Variants in CMTM8 observed in about 807,000 individuals in gnomAD.
The protein encoded by CMTM8 is CKLF-like MARVEL transmembrane domain-containing protein 8.
CMTM8 carries 12 observed loss-of-function variants against 18.6 expected under a neutral mutation model. That is an observed-to-expected ratio of 0.65 (90% CI 0.41 to 1.05). The LOEUF (loss-of-function observed/expected upper bound fraction) is 1.05, where lower values mean the gene tolerates loss of function less well. CMTM8 is among the 50% of genes least tolerant of loss of function. The pLI is 0.00. For synonymous variants in CMTM8, 87 were observed against 90.6 expected (o/e 0.96, Z 0.23); for missense variants, 217 against 227.2 (o/e 0.95, Z 0.29).
chr3:32,344,264 G>C (rs143854203), intron 1 of CMTM8, among the ~76,000 whole-genome samples: 19 of 152,312 alleles, frequency 1.2e-4, no homozygotes, highest in African/African-American at 3.6e-4. Context: ...AGCCAGCTGG[G>C]AACAGCTGGT....
chr3:32,303,680 A>G (rs768996561), intron 1 of CMTM8, among the ~76,000 whole-genome samples: 37 of 152,174 alleles, frequency 2.4e-4, no homozygotes, highest in African/African-American at 6.0e-4. Context: ...GTAGAACAAT[A>G]TAGACTCCTT....
At chr3:32,289,764 A>G (rs1285988812) in intron 1 of CMTM8, among the ~76,000 whole-genome samples, 1 of 152,242 alleles carries the variant, frequency 6.6e-6, no homozygotes, top group East Asian at 1.9e-4. Context: ...GGATCTTATT[A>G]CCATTTATAT....
chr3:32,252,499 G>A (rs1702125169), intron 1 of CMTM8, among the ~76,000 whole-genome samples: 1 of 152,140 alleles, frequency 6.6e-6, no homozygotes, highest in East Asian at 1.9e-4. Flanking sequence ...TACCATCTGG[G>A]AATGTTGTAT....
At chr3:32,252,101 T>TA (rs963076855) in intron 1 of CMTM8, among the ~76,000 whole-genome samples, 23 of 151,852 alleles carry the variant, frequency 1.5e-4, no homozygotes, top group African/African-American at 5.3e-4. Flanking sequence ...TCAGAAAAAA[T>TA]AAAAAAAATT....
At chr3:32,345,495 A>G (rs745473208) in intron 1 of CMTM8, among the ~76,000 whole-genome samples, 2 of 152,222 alleles carry the variant, frequency 1.3e-5, no homozygotes, top group Non-Finnish European at 2.9e-5. Flanking sequence ...GGTCATCAAA[A>G]GGTTTAGCTG....
chr3:32,363,994 T>C (rs754569508), intron 2 of CMTM8, among the ~76,000 whole-genome samples: 4 of 152,198 alleles, frequency 2.6e-5, no homozygotes, highest in African/African-American at 9.6e-5. Flanking sequence ...CATGAGTGTC[T>C]CTTCCACCAA....
intron 1 of CMTM8, among the ~76,000 whole-genome samples, chr3:32,319,074 A>ATATATATATT: frequency 9.5e-5 from 3 of 31,524 alleles, no homozygotes; most frequent in Non-Finnish European, 1.0e-4. Context: ...ATATATATAT[A>ATATATATATT]TTTTTTTTTT....
intron 1 of CMTM8, among the ~76,000 whole-genome samples, chr3:32,264,771 T>C (rs1053209966): frequency 2.0e-5 from 3 of 151,094 alleles, no homozygotes; most frequent in African/African-American, 7.3e-5. Context: ...ACCAAGCAAA[T>C]GGAAAGCAAA....
At chr3:32,284,811 TTTCCTGG>T (rs1221513400) in intron 1 of CMTM8, among the ~76,000 whole-genome samples, 1 of 152,234 alleles carries the variant, frequency 6.6e-6, no homozygotes, top group African/African-American at 2.4e-5. Context: ...GTTTTTGTTT[TTTCCTGG>T]TTCTATTTTG....
chr3:32,314,714 G>A (rs991029528), intron 1 of CMTM8, among the ~76,000 whole-genome samples: 1 of 152,026 alleles, frequency 6.6e-6, no homozygotes, highest in Non-Finnish European at 1.5e-5. Flanking sequence ...CCTGGGCAAG[G>A]GATCCACTTG....
chr3:32,265,901 C>T (rs1386161191), intron 1 of CMTM8, among the ~76,000 whole-genome samples: 3 of 151,436 alleles, frequency 2.0e-5, no homozygotes, highest in Non-Finnish European at 4.4e-5. Context: ...AAGACTAAAC[C>T]AGGAAGAAGT....
chr3:32,309,702 C>T (rs1695785543), intron 1 of CMTM8, among the ~76,000 whole-genome samples: 1 of 152,082 alleles, frequency 6.6e-6, no homozygotes, highest in Admixed American at 6.5e-5. Context: ...TCCTCAAAGT[C>T]GGTCATGCTT....
intron 1 of CMTM8, among the ~76,000 whole-genome samples, chr3:32,315,354 T>C (rs1695905518): frequency 6.6e-6 from 1 of 152,122 alleles, no homozygotes; most frequent in African/African-American, 2.4e-5. Flanking sequence ...GGTCTCGAAC[T>C]CCTCACCTCA....
intron 1 of CMTM8, among the ~76,000 whole-genome samples, chr3:32,300,453 G>A (rs1004541546): frequency 2.0e-5 from 3 of 152,156 alleles, no homozygotes; most frequent in Non-Finnish European, 2.9e-5. Context: ...TCTCCATTGG[G>A]GAAGAGGGAT....
chr3:32,261,507 G>A (rs1702258257), intron 1 of CMTM8, among the ~76,000 whole-genome samples: 1 of 152,058 alleles, frequency 6.6e-6, no homozygotes, highest in African/African-American at 2.4e-5. Context: ...CCATAGAGAG[G>A]GTTAAATCTA....
At chr3:32,290,295 T>G (rs575708926) in intron 1 of CMTM8, among the ~76,000 whole-genome samples, 44 of 152,280 alleles carry the variant, frequency 2.9e-4, no homozygotes, top group African/African-American at 6.7e-4. Context: ...TTCTAAAACT[T>G]TATATATTAC....
At chr3:32,362,584 G>C (rs1696956880) in intron 2 of CMTM8, among the ~76,000 whole-genome samples, 1 of 152,200 alleles carries the variant, frequency 6.6e-6, no homozygotes, top group South Asian at 2.1e-4. Context: ...AGTATACACA[G>C]ATATTCCAGT....
At chr3:32,315,904 A>T (rs1047013651) in intron 1 of CMTM8, among the ~76,000 whole-genome samples, 1 of 151,682 alleles carries the variant, frequency 6.6e-6, no homozygotes, top group African/African-American at 2.4e-5. Flanking sequence ...AATGAATTGG[A>T]TCCATTTTGA....
At chr3:32,274,789 C>A (rs574468926) in intron 1 of CMTM8, among the ~76,000 whole-genome samples, 1 of 152,282 alleles carries the variant, frequency 6.6e-6, no homozygotes, top group Admixed American at 6.5e-5. Flanking sequence ...AATACTCAGT[C>A]TTTGTCTTTC....
Sources: gnomAD v4.1 joint callset for allele counts (sites outside exome capture counted in the v4.1 genomes callset) on GRCh38, gnomAD v4.1.1 for gene constraint, MANE v1.5 for transcripts, NCBI Gene and HGNC (gene_info 2026-07-23, HGNC 2026-07-21) for gene names.